Variants in AGO2 observed in about 807,000 individuals in gnomAD.
AGO2 encodes the protein argonaute RISC catalytic component 2, also known as protein argonaute-2.
AGO2 carries 5 observed loss-of-function variants against 102.3 expected under a neutral mutation model. The ratio of observed to expected loss-of-function variants is 0.05; its 90% CI spans 0.03 to 0.10. AGO2 has a LOEUF of 0.10. AGO2 is among the 10% of genes least tolerant of loss of function. The pLI is 1.00. For synonymous variants in AGO2, 449 were observed against 473.1 expected, an observed-to-expected ratio of 0.95 and a Z score of 0.66; for missense variants, 541 against 1,183.7, an observed-to-expected ratio of 0.46 and a Z score of 7.97.
intron 2 of AGO2, among the ~76,000 whole-genome samples, chr8:140,579,799 T>C (rs939913703): frequency 6.6e-6 from 1 of 152,328 alleles, no homozygotes; most frequent in African/African-American, 2.4e-5. Flanking sequence ...GACTGTCTTG[T>C]AAACAGGCAG....
chr8:140,531,914 G>A lies in AGO2; in HGVS notation c.*130C>T, dbSNP rs1036706016. The A allele has an allele frequency of 3.7e-6, 3 of 810,428 alleles. No homozygotes were observed. Among genetic ancestry groups the A allele is most frequent in the Non-Finnish European group, 6.0e-6 (3 of 501,290 alleles). 50.2% of individuals were successfully genotyped at this position (810,428 alleles called of 1,614,324 possible). A position where few individuals can be genotyped will look rare whatever the true frequency, so the allele number is the denominator to read the frequency against. ...GACGGAAGGCATTCTGGAAAACGGA[G>A]AATCTAATAAAATCAATGACGTCTC... On this transcript the variant is annotated 3_prime_UTR_variant, in exon 19 of 19. Coordinates refer to ENST00000220592, the MANE Select transcript of AGO2 (RefSeq NM_012154.5).
At position 140,521,569 on chromosome 8, in the gene AGO2, G is replaced by A. The variant is rs1471856859; in HGVS notation, c.*10475C>T. On this transcript the variant is annotated 3_prime_UTR_variant, in exon 19 of 19. Transcript: ENST00000220592. ...TAAGTAAAAAAAGATCGCCATAGTA[G>A]GAAAAGTCTAGAATTGTAAACTGCC... The A allele has an allele frequency of 1.3e-5, 2 of 152,214 alleles. No homozygotes were observed. Among genetic ancestry groups the A allele is most frequent in the Admixed American group, 6.5e-5 (1 of 15,284 alleles). 9.4% of individuals were successfully genotyped at this position (152,214 alleles called of 1,614,324 possible). A position where few individuals can be genotyped will look rare whatever the true frequency, so the allele number is the denominator to read the frequency against.
intron 2 of AGO2, among the ~76,000 whole-genome samples, chr8:140,577,156 C>T (rs1346053315): frequency 7.3e-6 from 1 of 137,632 alleles, no homozygotes; most frequent in African/African-American, 2.8e-5. Context: ...TGCAGTGAGC[C>T]GAGATCACAT....
chr8:140,541,554 C>A, intron 14 of AGO2, 196 bp from the exon 15 acceptor site: 1 of 523,372 alleles, frequency 1.9e-6, no homozygotes, highest in Non-Finnish European at 3.3e-6. Flanking sequence ...TTCGTAAATA[C>A]GTACTGAAGT....
intron 3 of AGO2, among the ~76,000 whole-genome samples, chr8:140,564,249 G>A (rs2073245782): frequency 1.3e-5 from 2 of 152,014 alleles, no homozygotes; most frequent in Non-Finnish European, 2.9e-5. Flanking sequence ...AACCAACAGA[G>A]GAAAGGGCCA....
At chr8:140,594,389 T>A (rs1588488473) in intron 1 of AGO2, among the ~76,000 whole-genome samples, 3 of 152,318 alleles carry the variant, frequency 2.0e-5, no homozygotes, top group Admixed American at 2.0e-4. Context: ...TATTTTAAAA[T>A]TTAATAACCT....
chr8:140,541,888 T>A (rs548437889), intron 14 of AGO2, among the ~76,000 whole-genome samples: 2 of 152,050 alleles, frequency 1.3e-5, no homozygotes, highest in African/African-American at 2.4e-5. Flanking sequence ...GGCAACAGAG[T>A]GAGACTCTAT....
chr8:140,608,141 T>C (rs2074029074), intron 1 of AGO2, among the ~76,000 whole-genome samples: 1 of 152,160 alleles, frequency 6.6e-6, no homozygotes. Flanking sequence ...GCTTGTGAGC[T>C]CTGTCTGGAG....
At chr8:140,621,048 T>C (rs940690353) in intron 1 of AGO2, among the ~76,000 whole-genome samples, 3 of 152,142 alleles carry the variant, frequency 2.0e-5, no homozygotes, top group African/African-American at 7.2e-5. Context: ...TGCCCATCCA[T>C]GCCAAAGGAG....
chr8:140,526,167 A>C lies in AGO2; in HGVS notation c.*5877T>G, dbSNP rs1057247366. ...TTATTTGCATGACAGTCGGTGTTGAAGCACCTTTGTGATTTTACAGAGTGT... is the reference window on the plus strand; with the variant it reads ...TTATTTGCATGACAGTCGGTGTTGACGCACCTTTGTGATTTTACAGAGTGT... On this transcript the variant is annotated 3_prime_UTR_variant, in exon 19 of 19. Coordinates refer to ENST00000220592, the MANE Select transcript of AGO2 (RefSeq NM_012154.5). This position sits in a 1 kb window ranked among gnomAD's most constrained non-coding sequence, Gnocchi z 5.2. 2 of 152,232 alleles carry C rather than the reference A, an allele frequency of 1.3e-5. No homozygotes were observed. Among genetic ancestry groups the C allele is most frequent in the African/African-American group, 4.8e-5 (2 of 41,466 alleles). The allele number at this position is 152,232 out of a possible 1,614,324, so 9.4% of individuals were successfully genotyped here.
At chr8:140,541,402 T>C (rs772622788) in intron 14 of AGO2, 44 bp from the exon 15 acceptor site, 1 of 1,516,420 alleles carries the variant, frequency 6.6e-7, no homozygotes, top group Non-Finnish European at 8.8e-7. Context: ...TCCCAAAACT[T>C]TCCTTTCCTG....
At position 140,532,595 on chromosome 8, in the gene AGO2, G is replaced by A. The variant is rs1428873424; in HGVS notation, c.2292C>T (p.His764=). 2 of 1,614,274 alleles carry A rather than the reference G, an allele frequency of 1.2e-6. No homozygotes were observed. Among genetic ancestry groups the A allele is most frequent in the Admixed American group, 1.7e-5 (1 of 60,030 alleles). Residue 764 remains histidine (H), a synonymous_variant, in exon 18 of 19, where the codon CAC becomes CAT. Transcript: ENST00000220592. ...AGIQGTSRPS[H]YHVLWDDNRF... ...GATTGTCGTCCCAGAGGACGTGATA[G>A]TGCGAAGGCCTGCTTGTCCCCTAAA...
chr8:140,594,052 A>G lies in AGO2; in HGVS notation c.23-8741T>C, dbSNP rs186169662. On this transcript the variant is annotated intron_variant, in intron 1 of 18. Coordinates refer to ENST00000220592, the MANE Select transcript of AGO2 (RefSeq NM_012154.5). ...CTGCACTAAGGGTTTCCTAAACTCT[A>G]CCTCAACGCACGATGCCACTCACCC... 2.3e-4 allele frequency among the ~76,000 whole-genome samples: 35 copies of G among 152,198 alleles called. 1 individual carries two copies. Among genetic ancestry groups the G allele is most frequent in the Middle Eastern group, 3.4e-3 (1 of 294 alleles).
In AGO2 at chr8:140,525,384, C is replaced by T. The variant is rs535744514; in HGVS notation, c.*6660G>A. On this transcript the variant is annotated 3_prime_UTR_variant, in exon 19 of 19. Transcript: ENST00000220592. ...TTCTGACAGCCCAAGGCCAGCCCAGCGGACCCAAGCAGCCTGTACCCTGGG... is the reference window on the plus strand; with the variant it reads ...TTCTGACAGCCCAAGGCCAGCCCAGTGGACCCAAGCAGCCTGTACCCTGGG... The T allele has an allele frequency of 3.3e-5, 5 of 152,496 alleles. No homozygotes were observed. The South Asian group carries it at 6.2e-4, about 19-fold the overall frequency. The allele number at this position is 152,496 out of a possible 1,614,324, so 9.4% of individuals were successfully genotyped here. A position where few individuals can be genotyped will look rare whatever the true frequency, so the allele number is the denominator to read the frequency against.
chr8:140,603,528 C>T (rs575361594), intron 1 of AGO2, among the ~76,000 whole-genome samples: 3 of 152,232 alleles, frequency 2.0e-5, no homozygotes, highest in Non-Finnish European at 4.4e-5. Flanking sequence ...AGCCATCACA[C>T]CCCGTTTCCT....
intron 1 of AGO2, among the ~76,000 whole-genome samples, chr8:140,624,278 T>TA (rs2074249246): frequency 6.6e-6 from 1 of 152,022 alleles, no homozygotes; most frequent in African/African-American, 2.4e-5. Context: ...GCCCCCTGCC[T>TA]TCAAGCACAC....
upstream of AGO2, chr8:140,635,641 C>T (rs1459136549): frequency 3.7e-6 from 2 of 541,786 alleles, no homozygotes; most frequent in Non-Finnish European, 4.7e-6. Flanking sequence ...CAGGTTTACC[C>T]GACGCGGCCG....
chr8:140,535,844 C>T lies in AGO2; in HGVS notation c.2170-275G>A, dbSNP rs531370729. Among the ~76,000 whole-genome samples the T allele has an allele frequency of 3.3e-5, 5 of 152,340 alleles. No individual in the cohort carries two copies. The South Asian group carries it at 1.0e-3, about 32-fold the overall frequency. On this transcript the variant is annotated intron_variant, in intron 16 of 18. Coordinates refer to ENST00000220592, the MANE Select transcript of AGO2 (RefSeq NM_012154.5). ...TGCAGTCTTTTCACTGCAGAACGTG[C>T]CTCTGATGCCTTAAGAGTCCCTCGA...
intron 1 of AGO2, among the ~76,000 whole-genome samples, chr8:140,629,931 GGGAGA>G (rs939703236): frequency 6.6e-6 from 1 of 150,714 alleles, no homozygotes; most frequent in African/African-American, 2.4e-5. Flanking sequence ...GGGAGCGGAG[GGGAGA>G]GGAGAGGAGA....
Sources: allele counts gnomAD v4.1 joint callset (sites outside exome capture counted in the v4.1 genomes callset), GRCh38; gene constraint gnomAD v4.1.1; non-coding constraint Gnocchi (gnomAD v3.1); transcripts MANE v1.5; gene names NCBI Gene and HGNC (gene_info 2026-07-23, HGNC 2026-07-21).